Variants in WDFY3 observed in about 807,000 individuals in gnomAD.
The protein encoded by WDFY3 is WD repeat and FYVE domain-containing protein 3.
In WDFY3, 66 loss-of-function variants were observed where a neutral mutation model predicts 409.6. That is an observed-to-expected ratio of 0.16 (90% CI 0.13 to 0.20). The LOEUF (loss-of-function observed/expected upper bound fraction) is 0.20. WDFY3 is among the 10% of genes least tolerant of loss of function. The probability of loss-of-function intolerance (pLI) is 1.00; values close to 1 mark genes in which losing one functional copy is unlikely to be tolerated. For synonymous variants in WDFY3, 1,521 were observed against 1,537.1 expected (o/e 0.99, Z 0.25); for missense variants, 3,031 against 4,298.1 (o/e 0.71, Z 8.24).
At chr4:84,872,567 A>G (rs989042878) in intron 3 of WDFY3, among the ~76,000 whole-genome samples, 1 of 152,194 alleles carries the variant, frequency 6.6e-6, no homozygotes, top group Non-Finnish European at 1.5e-5. Flanking sequence ...GAGGAAGAAC[A>G]AAGAACAAAT....
At chr4:84,716,550 A>G (rs760708285) in intron 49 of WDFY3, among the ~76,000 whole-genome samples, 2 of 151,340 alleles carry the variant, frequency 1.3e-5, no homozygotes, top group Non-Finnish European at 2.9e-5. Flanking sequence ...TAATCCCAGC[A>G]CTTTGGGAGG....
At chr4:84,674,702 T>C (rs1725963539) in intron 67 of WDFY3, among the ~76,000 whole-genome samples, 1 of 151,678 alleles carries the variant, frequency 6.6e-6, no homozygotes, top group Non-Finnish European at 1.5e-5. Flanking sequence ...ACCCCGTCTC[T>C]ACTAAGAATA....
At chr4:84,891,345 T>C (rs1764919319) in intron 3 of WDFY3, among the ~76,000 whole-genome samples, 2 of 152,178 alleles carry the variant, frequency 1.3e-5, no homozygotes, top group Admixed American at 6.5e-5. Flanking sequence ...GTGCTACATA[T>C]ATATAAGCAC....
chr4:84,829,274 A>G, intron 8 of WDFY3, 84 bp from the exon 9 acceptor site: 2 of 1,128,698 alleles, frequency 1.8e-6, no homozygotes, highest in Non-Finnish European at 2.5e-6. Flanking sequence ...TTGTTTAATG[A>G]AACATTAAAT....
At chr4:84,779,329 G>A (rs1370252240) in intron 26 of WDFY3, among the ~76,000 whole-genome samples, 3 of 151,960 alleles carry the variant, frequency 2.0e-5, no homozygotes, top group Non-Finnish European at 4.4e-5. Flanking sequence ...TTTGTACTTC[G>A]TGTATGATAG....
chr4:84,890,732 A>G (rs889445566), intron 3 of WDFY3, among the ~76,000 whole-genome samples: 3 of 152,216 alleles, frequency 2.0e-5, no homozygotes, highest in Admixed American at 1.3e-4. Flanking sequence ...CTGCCACTGT[A>G]GCGTGAAAGC....
chr4:84,721,145 A>T (rs1734800714), intron 47 of WDFY3, among the ~76,000 whole-genome samples: 1 of 152,226 alleles, frequency 6.6e-6, no homozygotes, highest in Non-Finnish European at 1.5e-5. Context: ...AATTATGGCA[A>T]GATCTGTGGT....
At chr4:84,904,236 T>G (rs1431649108) in intron 2 of WDFY3, among the ~76,000 whole-genome samples, 1 of 152,072 alleles carries the variant, frequency 6.6e-6, no homozygotes, top group Non-Finnish European at 1.5e-5. Context: ...ATTCATTCAT[T>G]CATTCATTCA....
At chr4:84,763,662 C>G (rs948157283) in intron 32 of WDFY3, among the ~76,000 whole-genome samples, 3 of 149,836 alleles carry the variant, frequency 2.0e-5, no homozygotes, top group African/African-American at 7.4e-5. Context: ...ATCAAATGAG[C>G]TGATATGTAC....
At position 84,863,343 on chromosome 4, in the gene WDFY3, A is replaced by C. The variant is rs543473456; in HGVS notation, c.-31-2721T>G. Among the ~76,000 whole-genome samples the C allele has an allele frequency of 7.9e-5, 12 of 152,334 alleles. No individual in the cohort carries two copies. In the South Asian group the frequency reaches 2.5e-3, roughly 32 times the overall value. ...TATACCAATTGATATTCCCACCAAC[A>C]GTGTACAAGAGTCCCCCATTTTCCA... On this transcript the variant is annotated intron_variant, in intron 3 of 67. Transcript: ENST00000295888.
At chr4:84,705,299 C>G (rs1214515180) in intron 54 of WDFY3, 95 bp downstream of exon 54, 5 of 886,394 alleles carry the variant, frequency 5.6e-6, no homozygotes, top group Non-Finnish European at 7.3e-6. Context: ...GATATATAAG[C>G]AATTTGAAGG....
At chr4:84,852,629 T>C (rs984984644) in intron 4 of WDFY3, among the ~76,000 whole-genome samples, 1 of 152,222 alleles carries the variant, frequency 6.6e-6, no homozygotes, top group African/African-American at 2.4e-5. Context: ...AATCTCAAAA[T>C]CTCAAAAAAT....
rs542563573 is a variant in WDFY3 at position 84,790,419 on chromosome 4, C to T, written c.3488-512G>A. On this transcript the variant is annotated intron_variant, in intron 21 of 67. Coordinates refer to ENST00000295888, the MANE Select transcript of WDFY3 (RefSeq NM_014991.6). ...ATACCTTATTCATGCAATACCCTTA[C>T]CTGCAGTAAAGTGAAACCTAGAATG... is the stretch of plus-strand genomic sequence containing the variant. 2.0e-5 allele frequency among the ~76,000 whole-genome samples: 3 copies of T among 152,194 alleles called. No individual in the cohort carries two copies. The South Asian group carries it at 6.2e-4, about 32-fold the overall frequency.
At chr4:84,808,883 T>A (rs1373217600) in intron 14 of WDFY3, 1 of 152,200 alleles carries the variant, frequency 6.6e-6, no homozygotes, top group Admixed American at 6.5e-5. Flanking sequence ...TTGTCAAAGC[T>A]GTTTGGATTT....
intron 22 of WDFY3, among the ~76,000 whole-genome samples, chr4:84,788,453 T>A (rs1747912134): frequency 6.6e-6 from 1 of 152,224 alleles, no homozygotes; most frequent in Non-Finnish European, 1.5e-5. Context: ...TGCTCAACTC[T>A]AGAAGCTGAG....
chr4:84,862,444 A>G (rs901822422), intron 3 of WDFY3, among the ~76,000 whole-genome samples: 10 of 152,214 alleles, frequency 6.6e-5, no homozygotes, highest in African/African-American at 2.4e-4. Flanking sequence ...TTCTTGAAAA[A>G]TATGTTTTCC....
chr4:84,675,879 C>A (rs1447710222), intron 67 of WDFY3, among the ~76,000 whole-genome samples: 1 of 152,096 alleles, frequency 6.6e-6, no homozygotes, highest in Admixed American at 6.5e-5. Flanking sequence ...GACCACTGAC[C>A]TTTCATATGG....
intron 5 of WDFY3, among the ~76,000 whole-genome samples, chr4:84,846,935 A>G (rs1263185635): frequency 6.6e-6 from 1 of 152,006 alleles, no homozygotes; most frequent in African/African-American, 2.4e-5. Flanking sequence ...GTAAATAAGC[A>G]ACTACACAGA....
intron 33 of WDFY3, 133 bp from the exon 34 acceptor site, chr4:84,755,533 T>C: frequency 1.0e-6 from 1 of 980,986 alleles, no homozygotes; most frequent in Non-Finnish European, 1.5e-6. Context: ...GATATAGACA[T>C]AAAGAACTAG....
Sources: gnomAD v4.1 joint callset for allele counts (sites outside exome capture counted in the v4.1 genomes callset) on GRCh38, gnomAD v4.1.1 for gene constraint, MANE v1.5 for transcripts, NCBI Gene and HGNC (gene_info 2026-07-23, HGNC 2026-07-21) for gene names.